Variants in FNBP1 observed in about 807,000 individuals in gnomAD.
The protein encoded by FNBP1 is formin binding protein 1, also known as formin-binding protein 1.
In FNBP1, 26 loss-of-function variants were observed where a neutral mutation model predicts 90.6. The ratio of observed to expected loss-of-function variants is 0.29; its 90% CI spans 0.21 to 0.40. The LOEUF (loss-of-function observed/expected upper bound fraction) is 0.40. FNBP1 is among the 10% of genes least tolerant of loss of function. The probability of loss-of-function intolerance (pLI) is 1.00; values close to 1 mark genes in which losing one functional copy is unlikely to be tolerated. For missense variants in FNBP1, 635 were observed against 768.0 expected, an observed-to-expected ratio of 0.83 and a Z score of 2.05; for synonymous variants, 260 against 265.2, an observed-to-expected ratio of 0.98 and a Z score of 0.19.
At chr9:129,912,470 C>T (rs1203748891) in intron 11 of FNBP1, among the ~76,000 whole-genome samples, 1 of 151,984 alleles carries the variant, frequency 6.6e-6, no homozygotes, top group Non-Finnish European at 1.5e-5. Flanking sequence ...GGGTGGATCA[C>T]CTGAGGTCGG....
rs115171414 is a variant in FNBP1 at position 129,900,765 on chromosome 9, C to T, written c.1429-218G>A. Reference sequence around the variant, plus strand: ...TCGACTGTTCAAATGTACTGAAGGACGGTTGCTTCCATTTCACCCGAAGTT... The same window carrying T: ...TCGACTGTTCAAATGTACTGAAGGATGGTTGCTTCCATTTCACCCGAAGTT... On this transcript the variant is annotated intron_variant, in intron 13 of 16. Transcript: ENST00000446176. This position sits in a 1 kb window ranked among gnomAD's most constrained non-coding sequence, Gnocchi z 4.1. 3.6e-3 allele frequency among the ~76,000 whole-genome samples: 545 copies of T among 152,364 alleles called. 3 individuals carry two copies. The highest frequency in any genetic ancestry group is 0.012 in the African/African-American group (519 of 41,584).
At chr9:130,048,340 A>AAAAAAAAAAAC in the FNBP1 span, among the ~76,000 whole-genome samples, 1 of 140,768 alleles carries the variant, frequency 7.1e-6, no homozygotes, top group Non-Finnish European at 1.6e-5. Flanking sequence ...AAAAAAAAAA[A>AAAAAAAAAAAC]AAGACAGGGA....
intron 4 of FNBP1, among the ~76,000 whole-genome samples, chr9:129,965,694 A>ACGCGCGCGCGCGCGCGCG (rs765582659): frequency 8.4e-6 from 1 of 119,354 alleles, no homozygotes; most frequent in East Asian, 2.6e-4. Flanking sequence ...ACACACACAC[A>ACGCGCGCGCGCGCGCGCG]CACGCGCGCG....
chr9:129,945,890 G>A (rs554445054), intron 6 of FNBP1, among the ~76,000 whole-genome samples: 1 of 152,164 alleles, frequency 6.6e-6, no homozygotes, highest in Admixed American at 6.5e-5. Context: ...ACATGTGGCT[G>A]GGCATGGTGG....
intron 1 of FNBP1, among the ~76,000 whole-genome samples, chr9:130,040,328 CTT>C (rs2059709472): frequency 6.6e-6 from 1 of 152,136 alleles, no homozygotes; most frequent in Non-Finnish European, 1.5e-5. Context: ...ATAAGAATGT[CTT>C]TTTTAACGTC....
chr9:129,978,912 A>T (rs1037492267), intron 3 of FNBP1, among the ~76,000 whole-genome samples: 2 of 152,206 alleles, frequency 1.3e-5, no homozygotes, highest in African/African-American at 4.8e-5. Context: ...AATGTAAAGG[A>T]TATTTAGATA....
intron 1 of FNBP1, among the ~76,000 whole-genome samples, chr9:130,003,057 T>C (rs1484717054): frequency 6.6e-6 from 1 of 152,154 alleles, no homozygotes; most frequent in Non-Finnish European, 1.5e-5. Context: ...TTTTAGGTAC[T>C]ATATTCTGAT....
rs115915133 is a variant in FNBP1, at chr9:129,938,524, C to T, written c.514-8829G>A. On this transcript the variant is annotated intron_variant, in intron 6 of 16. Transcript: ENST00000446176. ...ACCAAAGAAATATGCTTGAACTATT[C>T]CAGCAATTTCCTGACTCTTTTTTTT... Among the ~76,000 whole-genome samples, 806 of 149,854 alleles carry T rather than the reference C, an allele frequency of 5.4e-3. 3 individuals carry two copies. The highest frequency in any genetic ancestry group is 0.019 in the African/African-American group (763 of 40,704).
intron 1 of FNBP1, among the ~76,000 whole-genome samples, chr9:130,034,679 G>A (rs145739915): frequency 1.3e-4 from 20 of 152,272 alleles, no homozygotes; most frequent in African/African-American, 4.6e-4. Context: ...GCTTGAGTAC[G>A]AGCTTCATTC....
At chr9:129,952,897 C>T (rs762596884) in intron 6 of FNBP1, among the ~76,000 whole-genome samples, 1 of 152,126 alleles carries the variant, frequency 6.6e-6, no homozygotes, top group African/African-American at 2.4e-5. Flanking sequence ...TTAATATTCG[C>T]ATCAATCCTG....
chr9:130,043,957 G>A (rs927127277), upstream of FNBP1, among the ~76,000 whole-genome samples: 2 of 152,234 alleles, frequency 1.3e-5, no homozygotes, highest in African/African-American at 2.4e-5. Flanking sequence ...AGCGCAGAGC[G>A]CAGTCCACCA....
At chr9:130,048,314 CAAAAAAA>C in the FNBP1 span, among the ~76,000 whole-genome samples, 29 of 50,714 alleles carry the variant, frequency 5.7e-4, no homozygotes, top group Admixed American at 1.1e-3. Context: ...GACTCCATCT[CAAAAAAA>C]AAAAAAAAAA....
chr9:129,983,033 TA>T (rs1240631961), intron 2 of FNBP1, among the ~76,000 whole-genome samples: 4 of 152,328 alleles, frequency 2.6e-5, no homozygotes, highest in South Asian at 4.1e-4. Flanking sequence ...ATACCACTTC[TA>T]AATTCACACC....
At chr9:129,906,297 T>C (rs757871824) in intron 12 of FNBP1, among the ~76,000 whole-genome samples, 13 of 152,244 alleles carry the variant, frequency 8.5e-5, no homozygotes, top group Non-Finnish European at 1.8e-4. Context: ...AACAAAGATA[T>C]ACTCAATTTT....
intron 1 of FNBP1, among the ~76,000 whole-genome samples, chr9:130,013,158 T>C (rs542576234): frequency 3.5e-4 from 54 of 152,204 alleles, no homozygotes; most frequent in South Asian, 1.9e-3. Context: ...TTTTTTATGT[T>C]TTTAAGAGAC....
At chr9:130,014,040 T>G (rs1312727423) in intron 1 of FNBP1, 1 of 456,698 alleles carries the variant, frequency 2.2e-6, no homozygotes, top group South Asian at 1.5e-5. Flanking sequence ...GTCCATCTGA[T>G]TCTACTTGAA....
At position 129,925,134 on chromosome 9, in the gene FNBP1, A is replaced by C; in HGVS notation, c.813T>G (p.Ala271=). ...CAGGAGGCTCAAACCCTGATTTATA[A>C]GCTTCTATTACCAGCTGTGAATCCT... ...QKNDSQLVIE[A]YKSGFEPPGD... Residue 271 remains alanine (A), a synonymous_variant, in exon 9 of 17, where the codon GCT becomes GCG. Coordinates refer to ENST00000446176, the MANE Select transcript of FNBP1 (RefSeq NM_015033.3). 1 of 1,613,354 alleles carries C rather than the reference A, an allele frequency of 6.2e-7. No individual in the cohort carries two copies. Among genetic ancestry groups the C allele is most frequent in the Non-Finnish European group, 8.5e-7 (1 of 1,179,484 alleles).
At chr9:129,969,888 A>C (rs929768635) in intron 4 of FNBP1, among the ~76,000 whole-genome samples, 2 of 110,960 alleles carry the variant, frequency 1.8e-5, no homozygotes, top group African/African-American at 6.9e-5. Flanking sequence ...AATATTCCTA[A>C]CTTTTTTTTT....
At chr9:130,010,510 G>A (rs922154301) in intron 1 of FNBP1, among the ~76,000 whole-genome samples, 5 of 152,044 alleles carry the variant, frequency 3.3e-5, no homozygotes, top group Non-Finnish European at 5.9e-5. Flanking sequence ...TGCCTGCCTC[G>A]GCCTCCCAAA....
Sources: allele counts gnomAD v4.1 joint callset (sites outside exome capture counted in the v4.1 genomes callset), GRCh38; gene constraint gnomAD v4.1.1; non-coding constraint Gnocchi (gnomAD v3.1); transcripts MANE v1.5; gene names NCBI Gene and HGNC (gene_info 2026-07-23, HGNC 2026-07-21).